Variants in DSE observed in about 807,000 individuals in gnomAD.
The protein encoded by DSE is dermatan sulfate epimerase.
In DSE, 36 loss-of-function variants were observed where a neutral mutation model predicts 84.4. That is an observed-to-expected ratio of 0.43 (90% CI 0.33 to 0.56). DSE has a LOEUF of 0.56. Among genes scored for constraint, DSE ranks in the 20% least tolerant of loss-of-function variants. The probability of loss-of-function intolerance (pLI) is 0.06; values close to 1 mark genes in which losing one functional copy is unlikely to be tolerated. For missense variants in DSE, 862 were observed against 1,169.6 expected (o/e 0.74, Z 3.84); for synonymous variants, 410 against 430.1 (o/e 0.95, Z 0.58).
chr6:116,390,526 T>C (rs1780835813), intron 1 of DSE, among the ~76,000 whole-genome samples: 1 of 152,198 alleles, frequency 6.6e-6, no homozygotes, highest in Non-Finnish European at 1.5e-5. Flanking sequence ...TTTTAAGTGA[T>C]TCAGCATAAA....
chr6:116,411,097 C>A (rs530871144), intron 2 of DSE, among the ~76,000 whole-genome samples: 43 of 152,108 alleles, frequency 2.8e-4, no homozygotes, highest in African/African-American at 1.0e-3. Context: ...ATCTCTCAAG[C>A]TTTATTTTTA....
chr6:116,347,303 G>T (rs199504498), intron 2 of DSE, among the ~76,000 whole-genome samples: 4 of 151,270 alleles, frequency 2.6e-5, no homozygotes, highest in South Asian at 2.1e-4. Flanking sequence ...AAAAGAGCCC[G>T]CATTGCCAAG....
chr6:116,411,333 A>C (rs1421448247), intron 2 of DSE, among the ~76,000 whole-genome samples: 2 of 152,262 alleles, frequency 1.3e-5, no homozygotes, highest in African/African-American at 2.4e-5. Context: ...AATGAAGAAT[A>C]GCTGGAAGAA....
At chr6:116,414,393 A>G (rs1321810901) in intron 2 of DSE, among the ~76,000 whole-genome samples, 1 of 149,700 alleles carries the variant, frequency 6.7e-6, no homozygotes, top group Non-Finnish European at 1.5e-5. Flanking sequence ...CATAATTTTA[A>G]TGAGTGGAAT....
At chr6:116,280,140 T>G in intron 2 of DSE, 1 of 453,062 alleles carries the variant, frequency 2.2e-6, no homozygotes, top group Middle Eastern at 6.8e-4. Flanking sequence ...CACCTTGAGA[T>G]GCATCTAGCG....
intron 1 of DSE, among the ~76,000 whole-genome samples, chr6:116,392,000 T>A (rs1780939387): frequency 6.6e-6 from 1 of 152,074 alleles, no homozygotes; most frequent in African/African-American, 2.4e-5. Context: ...CTTCAAAAAA[T>A]TATTTTAATT....
chr6:116,350,912 GA>G (rs57384750), intron 2 of DSE, among the ~76,000 whole-genome samples: 30,288 of 141,380 alleles, frequency 0.21, 3,673 homozygotes, highest in African/African-American at 0.36. Flanking sequence ...CTTCCTTTTG[GA>G]AAAAAAAAAA....
At chr6:116,373,582 C>T (rs1053425080) in intron 1 of DSE, among the ~76,000 whole-genome samples, 1 of 152,138 alleles carries the variant, frequency 6.6e-6, no homozygotes, top group Non-Finnish European at 1.5e-5. Context: ...TTAGTATTTA[C>T]GAAATTCGTT....
upstream of DSE, among the ~76,000 whole-genome samples, chr6:116,367,614 G>C (rs765112907): frequency 6.6e-6 from 1 of 152,134 alleles, no homozygotes; most frequent in Non-Finnish European, 1.5e-5. Context: ...GCCTCTGCTT[G>C]AGATAAAATG....
chr6:116,299,523 T>G (rs375788600), intron 2 of DSE, among the ~76,000 whole-genome samples: 1 of 27,704 alleles, frequency 3.6e-5, no homozygotes, highest in Non-Finnish European at 5.3e-5. Context: ...TATATATATA[T>G]ATATATATAT....
chr6:116,299,506 A>T (rs1197585203), intron 2 of DSE, among the ~76,000 whole-genome samples: 6 of 1,700 alleles, frequency 3.5e-3, no homozygotes, highest in African/African-American at 7.8e-3. Context: ...AATTATTTTT[A>T]TATATATATA....
At chr6:116,404,751 CAG>C (rs747879185) in intron 2 of DSE, among the ~76,000 whole-genome samples, 36 of 152,360 alleles carry the variant, frequency 2.4e-4, no homozygotes, top group Non-Finnish European at 4.4e-4. Context: ...TCTTGGTACA[CAG>C]TACTCCATTT....
chr6:116,312,423 C>T (rs1395196188), intron 2 of DSE, among the ~76,000 whole-genome samples: 1 of 152,158 alleles, frequency 6.6e-6, no homozygotes, highest in Non-Finnish European at 1.5e-5. Context: ...TGAAGGAGGA[C>T]ATCAGCTGGC....
chr6:116,433,320 T>C lies in DSE; in HGVS notation c.911-23T>C, dbSNP rs1054910882. On this transcript the variant is annotated intron_variant, in intron 4 of 5. Coordinates refer to ENST00000644252, the MANE Select transcript of DSE (RefSeq NM_013352.4). ...GTGTGAAGTTTTCAAAGTATCTTAATTCTTTCCAACTTATTTCCCTAGGGT... is the reference window on the plus strand; with the variant it reads ...GTGTGAAGTTTTCAAAGTATCTTAACTCTTTCCAACTTATTTCCCTAGGGT... The C allele has an allele frequency of 2.1e-5, 32 of 1,549,046 alleles. No individual in the cohort carries two copies. In the Admixed American group the frequency reaches 6.1e-4, roughly 29 times the overall value.
chr6:116,284,919 T>C (rs1773788574), intron 2 of DSE, among the ~76,000 whole-genome samples: 1 of 152,120 alleles, frequency 6.6e-6, no homozygotes, highest in South Asian at 2.1e-4. Flanking sequence ...CAGTCTATCA[T>C]TGATGGACAT....
At chr6:116,323,198 C>T (rs1776429002) in intron 2 of DSE, among the ~76,000 whole-genome samples, 1 of 152,144 alleles carries the variant, frequency 6.6e-6, no homozygotes, top group African/African-American at 2.4e-5. Context: ...AGTTGTAAGC[C>T]AGCTTTTAAA....
intron 1 of DSE, among the ~76,000 whole-genome samples, chr6:116,394,981 A>G (rs1435152720): frequency 1.3e-5 from 2 of 152,256 alleles, no homozygotes; most frequent in African/African-American, 4.8e-5. Flanking sequence ...AGGGCCTGGG[A>G]GTGCTCTGCT....
At chr6:116,393,649 G>C (rs1047096035) in intron 1 of DSE, among the ~76,000 whole-genome samples, 7 of 152,190 alleles carry the variant, frequency 4.6e-5, no homozygotes, top group African/African-American at 1.7e-4. Context: ...TCAAAGCTAG[G>C]AGGCAGCAGA....
intron 1 of DSE, among the ~76,000 whole-genome samples, chr6:116,386,604 T>C (rs1306589861): frequency 6.6e-6 from 1 of 152,194 alleles, no homozygotes; most frequent in Non-Finnish European, 1.5e-5. Flanking sequence ...CCTGGGCTTT[T>C]ATTGTAGTTA....
Sources: gnomAD v4.1 joint callset for allele counts (sites outside exome capture counted in the v4.1 genomes callset) on GRCh38, gnomAD v4.1.1 for gene constraint, MANE v1.5 for transcripts, NCBI Gene and HGNC (gene_info 2026-07-23, HGNC 2026-07-21) for gene names.